SLC16A12: variants seen among roughly 807,000 people sequenced by gnomAD.
SLC16A12 encodes solute carrier family 16 member 12, also known as monocarboxylate transporter 12.
Under a neutral mutation model 42.4 loss-of-function variants are expected in SLC16A12, and 17 were observed. The observed-to-expected ratio is 0.40, with a 90% confidence interval of 0.27 to 0.60. SLC16A12 has a LOEUF of 0.60. SLC16A12 is among the 20% of genes least tolerant of loss of function. The probability of loss-of-function intolerance (pLI) is 0.42; values close to 1 mark genes in which losing one functional copy is unlikely to be tolerated. For synonymous variants in SLC16A12, 224 were observed against 229.4 expected, an observed-to-expected ratio of 0.98 and a Z score of 0.21; for missense variants, 544 against 623.0, an observed-to-expected ratio of 0.87 and a Z score of 1.35.
chr10:89,478,237 C>T (rs1300657110), intron 2 of SLC16A12, among the ~76,000 whole-genome samples: 1 of 152,108 alleles, frequency 6.6e-6, no homozygotes, highest in Admixed American at 6.5e-5. Flanking sequence ...AGCAGTCAGT[C>T]CACAGGATCT....
intron 2 of SLC16A12, among the ~76,000 whole-genome samples, chr10:89,486,603 A>AAG (rs1842745285): frequency 7.1e-5 from 5 of 70,408 alleles, no homozygotes; most frequent in African/African-American, 1.1e-4. Context: ...AAAAAAAAAA[A>AAG]AAAGAAAGAA....
chr10:89,477,266 A>G (rs138441923), intron 2 of SLC16A12, among the ~76,000 whole-genome samples: 52 of 152,214 alleles, frequency 3.4e-4, no homozygotes, highest in African/African-American at 1.2e-3. Context: ...CAGTCTGTAC[A>G]TTTAAAAACA....
chr10:89,484,083 G>A (rs1589696449), intron 2 of SLC16A12, among the ~76,000 whole-genome samples: 1 of 152,276 alleles, frequency 6.6e-6, no homozygotes, highest in Non-Finnish European at 1.5e-5. Context: ...AAGGCCAGGA[G>A]TTTGGGACCA....
At chr10:89,495,828 T>G (rs1202249740) in intron 2 of SLC16A12, among the ~76,000 whole-genome samples, 1 of 152,204 alleles carries the variant, frequency 6.6e-6, no homozygotes, top group East Asian at 1.9e-4. Flanking sequence ...GAAAGTTGTC[T>G]TACTACATAT....
At chr10:89,441,315 T>A in intron 4 of SLC16A12, 64 bp from the exon 5 acceptor site, 1 of 1,603,304 alleles carries the variant, frequency 6.2e-7, no homozygotes. Flanking sequence ...AAGGCTGTGA[T>A]GTGGCATTGA....
chr10:89,469,637 C>T (rs983023784), intron 2 of SLC16A12, among the ~76,000 whole-genome samples: 1 of 152,272 alleles, frequency 6.6e-6, no homozygotes, highest in African/African-American at 2.4e-5. Context: ...TGTATTCTCA[C>T]CTTATAAATT....
At chr10:89,522,257 C>T (rs539371936) in intron 2 of SLC16A12, among the ~76,000 whole-genome samples, 37 of 152,336 alleles carry the variant, frequency 2.4e-4, no homozygotes, top group African/African-American at 8.4e-4. Context: ...CCAAACATCT[C>T]CAACACCCTA....
chr10:89,546,993 T>C (rs1843745522), intron 2 of SLC16A12, among the ~76,000 whole-genome samples: 1 of 152,056 alleles, frequency 6.6e-6, no homozygotes, highest in Non-Finnish European at 1.5e-5. Context: ...TGAGAACACA[T>C]GGACACAGGG....
At chr10:89,454,743 G>T (rs568321099) in intron 3 of SLC16A12, among the ~76,000 whole-genome samples, 1 of 151,564 alleles carries the variant, frequency 6.6e-6, no homozygotes, top group Non-Finnish European at 1.5e-5. Flanking sequence ...GACCACTCAA[G>T]TCTCTCTTGA....
chr10:89,452,894 G>C (rs938276367), intron 3 of SLC16A12, among the ~76,000 whole-genome samples: 2 of 152,222 alleles, frequency 1.3e-5, no homozygotes, highest in Non-Finnish European at 2.9e-5. Context: ...ACGCCCAGGG[G>C]TCTGCTCTTG....
chr10:89,439,286 A>G (rs1841863208), intron 5 of SLC16A12, 103 bp from the exon 6 acceptor site: 1 of 1,208,622 alleles, frequency 8.3e-7, no homozygotes, highest in Middle Eastern at 2.4e-4. Context: ...CTCTCATTAA[A>G]CCCTTTTAAA....
chr10:89,529,759 G>A (rs919658098), intron 2 of SLC16A12, among the ~76,000 whole-genome samples: 1 of 151,908 alleles, frequency 6.6e-6, no homozygotes, highest in African/African-American at 2.4e-5. Flanking sequence ...TGTTGGCCAC[G>A]CTAGTCTCGA....
chr10:89,433,451 C>A lies in SLC16A12; in HGVS notation c.1289-125G>T. On this transcript the variant is annotated intron_variant, in intron 7 of 7. Transcript: ENST00000371790. Reference sequence around the variant, plus strand: ...AGCACCACCAATTGTAACTTTGAAACAAAAAGAGGTCACCTAAAAATATTG... The same window carrying A: ...AGCACCACCAATTGTAACTTTGAAAAAAAAAGAGGTCACCTAAAAATATTG... 2.8e-5 allele frequency: 27 copies of A among 976,448 alleles called. No homozygotes were observed. In the Admixed American group the frequency reaches 3.5e-4, roughly 13 times the overall value. 60.5% of individuals were successfully genotyped at this position (976,448 alleles called of 1,614,324 possible).
upstream of SLC16A12, among the ~76,000 whole-genome samples, chr10:89,538,654 A>T (rs1161175774): frequency 6.6e-6 from 1 of 152,262 alleles, no homozygotes; most frequent in African/African-American, 2.4e-5. Context: ...TTAAACCTAC[A>T]TCGAGGCTTT....
chr10:89,438,089 T>C (rs1360274617), intron 6 of SLC16A12, among the ~76,000 whole-genome samples: 2 of 151,986 alleles, frequency 1.3e-5, no homozygotes, highest in Non-Finnish European at 2.9e-5. Flanking sequence ...GACTGACTTG[T>C]CTTGGGATGG....
Position 89,490,013 on chromosome 10 carries a change from T to C in SLC16A12, c.-46-27389A>G, listed in dbSNP as rs537835756. Among the ~76,000 whole-genome samples, 26 of 152,298 alleles carry C rather than the reference T, an allele frequency of 1.7e-4. 1 individual carries two copies. The highest frequency in any genetic ancestry group is 6.0e-4 in the African/African-American group (25 of 41,572). On this transcript the variant is annotated intron_variant, in intron 2 of 7. Transcript: ENST00000371790. ...ATAATGCTACATAAACTCTGTTCAC[T>C]TGAAAATCAAAAAAACTATAACAAT...
intron 2 of SLC16A12, among the ~76,000 whole-genome samples, chr10:89,487,964 G>GTATATATATATATATA (rs147234370): frequency 3.2e-5 from 4 of 126,716 alleles, no homozygotes; most frequent in African/African-American, 1.2e-4. Context: ...TGGTGTGTGT[G>GTATATATATATATATA]TATATATATA....
rs181688363 is a variant in SLC16A12, at chr10:89,517,090, T to C, written c.-47+17411A>G. ...AATTTTAAAAACTAGCCAGGTGCAA[T>C]GGCATGTGCCTGTAATCCCACCTAC... On this transcript the variant is annotated intron_variant, in intron 2 of 7. Transcript: ENST00000371790. Among the ~76,000 whole-genome samples the C allele has an allele frequency of 5.4e-4, 82 of 152,126 alleles. 2 individuals carry two copies. The East Asian group carries it at 0.014, about 26-fold the overall frequency.
chr10:89,470,188 G>T (rs900946467), intron 2 of SLC16A12, among the ~76,000 whole-genome samples: 2 of 152,146 alleles, frequency 1.3e-5, no homozygotes, highest in African/African-American at 4.8e-5. Flanking sequence ...TTGTGTTATA[G>T]GGGACATTCC....
Sources: gnomAD v4.1 joint callset for allele counts (sites outside exome capture counted in the v4.1 genomes callset) on GRCh38, gnomAD v4.1.1 for gene constraint, MANE v1.5 for transcripts, NCBI Gene and HGNC (gene_info 2026-07-23, HGNC 2026-07-21) for gene names.